Variants in OLFM3 observed in about 807,000 individuals in gnomAD.
OLFM3 encodes the protein noelin-3.
In OLFM3, 20 loss-of-function variants were observed where a neutral mutation model predicts 48.6. That is an observed-to-expected ratio of 0.41 (90% CI 0.29 to 0.60). The LOEUF (loss-of-function observed/expected upper bound fraction) is 0.60, where lower values mean the gene tolerates loss of function less well. Among genes scored for constraint, OLFM3 ranks in the 20% least tolerant of loss-of-function variants. The probability of loss-of-function intolerance (pLI) is 0.28; values close to 1 mark genes in which losing one functional copy is unlikely to be tolerated. For synonymous variants in OLFM3, 222 were observed against 198.1 expected, an observed-to-expected ratio of 1.12 and a Z score of -1.01; for missense variants, 437 against 544.3, an observed-to-expected ratio of 0.80 and a Z score of 1.96.
intron 1 of OLFM3, among the ~76,000 whole-genome samples, chr1:101,932,271 A>G (rs1015647213): frequency 2.0e-5 from 3 of 152,226 alleles, no homozygotes; most frequent in African/African-American, 7.2e-5. Context: ...GTAAGATTAT[A>G]GTGAGACCCA....
chr1:101,825,883 A>G (rs1204220786), intron 3 of OLFM3, among the ~76,000 whole-genome samples: 1 of 152,172 alleles, frequency 6.6e-6, no homozygotes. Context: ...AAGTTCAGTA[A>G]GTGTTATAAA....
intron 5 of OLFM3, among the ~76,000 whole-genome samples, chr1:101,805,347 T>C (rs574322451): frequency 2.6e-5 from 4 of 151,868 alleles, no homozygotes; most frequent in Non-Finnish European, 5.9e-5. Flanking sequence ...CGTATTCAAT[T>C]GAAATAAGTA....
At chr1:101,855,195 C>G (rs950752675) in intron 1 of OLFM3, among the ~76,000 whole-genome samples, 1 of 152,026 alleles carries the variant, frequency 6.6e-6, no homozygotes, top group Non-Finnish European at 1.5e-5. Flanking sequence ...TGAGAAGCTT[C>G]CTTATTTAAG....
At chr1:101,825,358 T>C in intron 3 of OLFM3, 113 bp from the exon 4 acceptor site, 2 of 877,712 alleles carry the variant, frequency 2.3e-6, no homozygotes, top group Non-Finnish European at 3.4e-6. Flanking sequence ...ACATTTCTTA[T>C]TGATTTTTGG....
intron 1 of OLFM3, among the ~76,000 whole-genome samples, chr1:101,883,660 T>G (rs970023963): frequency 6.6e-6 from 1 of 151,962 alleles, no homozygotes; most frequent in Non-Finnish European, 1.5e-5. Flanking sequence ...TTTAGTATAA[T>G]TACCTGTCTT....
At chr1:101,940,655 T>A (rs1659764421) in intron 1 of OLFM3, among the ~76,000 whole-genome samples, 7 of 151,212 alleles carry the variant, frequency 4.6e-5, no homozygotes, top group Admixed American at 3.3e-4. Context: ...CATTCCTTGA[T>A]ATTCCCCAAA....
intron 1 of OLFM3, among the ~76,000 whole-genome samples, chr1:101,916,977 C>A (rs565878815): frequency 5.9e-5 from 9 of 152,118 alleles, no homozygotes; most frequent in Middle Eastern, 3.4e-3. Context: ...AAGCTATAAG[C>A]AATTTAATAT....
chr1:101,925,324 CG>C (rs1281313569), intron 1 of OLFM3, among the ~76,000 whole-genome samples: 1 of 150,810 alleles, frequency 6.6e-6, no homozygotes, highest in African/African-American at 2.4e-5. Flanking sequence ...ATTACATTGG[CG>C]TTTTTTTTAA....
chr1:101,903,817 A>T (rs12061071), intron 1 of OLFM3, among the ~76,000 whole-genome samples: 67,812 of 151,796 alleles, frequency 0.45, 15,338 homozygotes, highest in East Asian at 0.59. Context: ...TTTAAGCAGA[A>T]ACAAAGATTT....
At chr1:101,988,461 A>G (rs1661311387) in intron 1 of OLFM3, among the ~76,000 whole-genome samples, 1 of 152,100 alleles carries the variant, frequency 6.6e-6, no homozygotes, top group Non-Finnish European at 1.5e-5. Context: ...TTTTTGGCGT[A>G]AGTCAAGATA....
chr1:101,819,395 A>G (rs1173341379), intron 4 of OLFM3, among the ~76,000 whole-genome samples: 1 of 152,090 alleles, frequency 6.6e-6, no homozygotes, highest in African/African-American at 2.4e-5. Flanking sequence ...GGTGTAATAT[A>G]ACAAGATTTG....
chr1:101,983,337 A>T (rs1160351083), intron 1 of OLFM3, among the ~76,000 whole-genome samples: 2 of 152,074 alleles, frequency 1.3e-5, no homozygotes, highest in Non-Finnish European at 2.9e-5. Context: ...GTCCCCAGGG[A>T]ACTCTCTCTT....
At chr1:101,893,250 G>GAA in intron 1 of OLFM3, 17 of 273,936 alleles carry the variant, frequency 6.2e-5, no homozygotes, top group South Asian at 1.6e-4. Context: ...CAGAGGTGGG[G>GAA]AAAAAAAAAA....
chr1:101,985,217 C>G, intron 1 of OLFM3, among the ~76,000 whole-genome samples: 1 of 152,206 alleles, frequency 6.6e-6, no homozygotes, highest in East Asian at 1.9e-4. Context: ...TTTGATTATA[C>G]TGAGCCTACC....
intron 1 of OLFM3, among the ~76,000 whole-genome samples, chr1:101,909,867 G>A (rs1350564552): frequency 6.6e-6 from 1 of 152,106 alleles, no homozygotes; most frequent in Non-Finnish European, 1.5e-5. Flanking sequence ...GTGTATACTG[G>A]TTTGAAGAAT....
intron 2 of OLFM3, among the ~76,000 whole-genome samples, chr1:101,835,159 G>A (rs1265372345): frequency 6.6e-6 from 1 of 152,010 alleles, no homozygotes; most frequent in Non-Finnish European, 1.5e-5. Flanking sequence ...AAGAAGATTT[G>A]GTGAAGAACA....
chr1:101,922,578 C>T (rs570538039), intron 1 of OLFM3, among the ~76,000 whole-genome samples: 1 of 152,156 alleles, frequency 6.6e-6, no homozygotes, highest in Non-Finnish European at 1.5e-5. Flanking sequence ...CTCCTCATTT[C>T]TTCATCCTTC....
chr1:101,932,541 G>A lies in OLFM3; in HGVS notation c.69+64207C>T, dbSNP rs112851001. Among the ~76,000 whole-genome samples, 531 of 152,286 alleles carry A rather than the reference G, an allele frequency of 3.5e-3. 3 individuals are homozygous for A. The highest frequency in any genetic ancestry group is 0.012 in the African/African-American group (487 of 41,554). On this transcript the variant is annotated intron_variant, in intron 1 of 5. Coordinates refer to ENST00000370103, the MANE Select transcript of OLFM3 (RefSeq NM_058170.4). Reference sequence around the variant, plus strand: ...CTCATTCCTAAACCCTGGTGACACTGTGGGAAGAGAAACAAACCCAGTCAA... The same window carrying A: ...CTCATTCCTAAACCCTGGTGACACTATGGGAAGAGAAACAAACCCAGTCAA...
intron 1 of OLFM3, 50 bp downstream of exon 1, chr1:101,996,698 G>C (rs746640718): frequency 5.7e-6 from 9 of 1,574,442 alleles, no homozygotes; most frequent in African/African-American, 1.3e-5. Context: ...TGTTAGGTTT[G>C]TTACATATTG....
Sources: gnomAD v4.1 joint callset for allele counts (sites outside exome capture counted in the v4.1 genomes callset) on GRCh38, gnomAD v4.1.1 for gene constraint, MANE v1.5 for transcripts, NCBI Gene and HGNC (gene_info 2026-07-23, HGNC 2026-07-21) for gene names.